SLC4A1AP: variants seen among roughly 807,000 people sequenced by gnomAD.
SLC4A1AP encodes the protein kanadaptin.
SLC4A1AP carries 64 observed loss-of-function variants against 89.7 expected under a neutral mutation model. The ratio of observed to expected loss-of-function variants is 0.71; its 90% confidence interval spans 0.58 to 0.88. The LOEUF is 0.88. Ranked by LOEUF, SLC4A1AP falls within the 40% of genes least tolerant of loss-of-function variation. The pLI is 0.00. For missense variants in SLC4A1AP, 931 were observed against 965.0 expected, an observed-to-expected ratio of 0.96 and a Z score of 0.47; for synonymous variants, 366 against 353.3, an observed-to-expected ratio of 1.04 and a Z score of -0.40.
chr2:27,682,519 G>C (rs975520599), intron 9 of SLC4A1AP, among the ~76,000 whole-genome samples, 160 bp downstream of exon 9: 140 of 136,608 alleles, frequency 1.0e-3, no homozygotes, highest in African/African-American at 3.5e-3. Context: ...CTTGGTTCTT[G>C]GATTCTTTTT....
exon 1 of SLC4A1AP, chr2:27,664,484 C>G (rs1406554554): frequency 2.5e-6 from 4 of 1,614,204 alleles, no homozygotes; most frequent in Middle Eastern, 1.6e-4. Flanking sequence ...GCACTTTTCT[C>G]AACAAAACTC....
At chr2:27,668,153 C>CTT (rs397957441) in intron 3 of SLC4A1AP, among the ~76,000 whole-genome samples, 3 of 144,630 alleles carry the variant, frequency 2.1e-5, no homozygotes, top group African/African-American at 7.5e-5. Context: ...GGAACTTGTT[C>CTT]TTTTTTTTTT....
intron 2 of SLC4A1AP, among the ~76,000 whole-genome samples, chr2:27,665,925 T>G (rs1675311263): frequency 6.6e-6 from 1 of 152,220 alleles, no homozygotes; most frequent in Admixed American, 6.5e-5. Context: ...ATAAGTATGC[T>G]AGAGTGAAAG....
chr2:27,692,044 C>G (rs995994506), intron 12 of SLC4A1AP: 5 of 152,092 alleles, frequency 3.3e-5, no homozygotes, highest in African/African-American at 1.2e-4. Flanking sequence ...AACTCCTGAG[C>G]TCAAGCAATC....
At chr2:27,667,763 TTGATTTTATATTA>T (rs1199161406) in intron 3 of SLC4A1AP, among the ~76,000 whole-genome samples, 2 of 152,032 alleles carry the variant, frequency 1.3e-5, no homozygotes, top group Admixed American at 6.5e-5. Flanking sequence ...AACATAGGTT[TTGATTTTATATTA>T]TATGATTTAA....
At chr2:27,665,638 C>G (rs192207384) in intron 2 of SLC4A1AP, among the ~76,000 whole-genome samples, 1 of 152,134 alleles carries the variant, frequency 6.6e-6, no homozygotes, top group African/African-American at 2.4e-5. Flanking sequence ...GGGGATGGAA[C>G]TCTATTCAAT....
intron 5 of SLC4A1AP, 41 bp downstream of exon 5, chr2:27,669,428 G>A (rs777497300): frequency 3.8e-5 from 55 of 1,448,468 alleles, no homozygotes; most frequent in Non-Finnish European, 2.7e-5. Context: ...TTTAAAAAAA[G>A]GAAAACTCAA....
rs191630768 is a variant in SLC4A1AP, at chr2:27,681,261, G to A, written c.1764-987G>A. On this transcript the variant is annotated intron_variant, in intron 8 of 13. Coordinates refer to ENST00000613058, the Ensembl canonical transcript of SLC4A1AP. ...CCAGGCAGGCAGCATTCTTCTGGTG[G>A]CCTTAGCAAGGGAATGGGTTTTATC... Among the ~76,000 whole-genome samples, 42 of 152,282 alleles carry A rather than the reference G, an allele frequency of 2.8e-4. 1 individual carries two copies. The highest frequency in any genetic ancestry group is 1.0e-3 in the African/African-American group (42 of 41,554).
intron 8 of SLC4A1AP, 81 bp downstream of exon 8, chr2:27,678,005 A>T: frequency 1.1e-6 from 1 of 923,780 alleles, no homozygotes; most frequent in East Asian, 2.7e-5. Context: ...ATCTTCTTAA[A>T]TAATCATTAT....
intron 12 of SLC4A1AP, among the ~76,000 whole-genome samples, chr2:27,690,644 G>A (rs933090612): frequency 1.3e-5 from 2 of 151,988 alleles, no homozygotes; most frequent in East Asian, 1.9e-4. Context: ...GTACCACAAT[G>A]CCCAGCTAAT....
At chr2:27,685,365 C>T (rs1675688994) in intron 10 of SLC4A1AP, 88 bp downstream of exon 10, 3 of 1,506,570 alleles carry the variant, frequency 2.0e-6, no homozygotes, top group Non-Finnish European at 2.7e-6. Flanking sequence ...CAGTTCTTGT[C>T]TGTGCATTTG....
intron 8 of SLC4A1AP, among the ~76,000 whole-genome samples, chr2:27,678,910 G>A (rs111394481): frequency 1.3e-5 from 2 of 151,890 alleles, no homozygotes; most frequent in African/African-American, 4.8e-5. Flanking sequence ...TAGAGATGGG[G>A]TCTTGCCATG....
Position 27,673,302 on chromosome 2 carries a change from T to TTCTC in SLC4A1AP, c.1346-2210_1346-2207dup, listed in dbSNP as rs10659481. Among the ~76,000 whole-genome samples the TTCTC allele has an allele frequency of 9.0e-4, 134 of 148,794 alleles. 1 individual carries two copies. The highest frequency in any genetic ancestry group is 2.1e-3 in the African/African-American group (86 of 40,398). On this transcript the variant is annotated intron_variant, in intron 5 of 13. Coordinates refer to ENST00000613058, the Ensembl canonical transcript of SLC4A1AP. ...AAAATTTGGGTCTTTATGAATTTCT[T>TTCTC]TCTCTCTCTCTCTCTCTCTCTCTTT...
At chr2:27,676,311 A>T (rs1351189685) in intron 6 of SLC4A1AP, among the ~76,000 whole-genome samples, 1 of 152,224 alleles carries the variant, frequency 6.6e-6, no homozygotes, top group Non-Finnish European at 1.5e-5. Flanking sequence ...AAATGCATTG[A>T]TTCAGCAATT....
At chr2:27,668,693 T>C (rs1054140228) in intron 3 of SLC4A1AP, 150 bp from the exon 4 acceptor site, 7 of 752,242 alleles carry the variant, frequency 9.3e-6, no homozygotes, top group Admixed American at 1.9e-5. Context: ...CAAGCTGTCA[T>C]CCCGCCTCAG....
chr2:27,666,111 A>T (rs917613535), intron 2 of SLC4A1AP, among the ~76,000 whole-genome samples: 8 of 152,178 alleles, frequency 5.3e-5, no homozygotes, highest in African/African-American at 9.7e-5. Context: ...AGAATGTAAA[A>T]TATCTCTTTC....
At chr2:27,686,159 C>T (rs905015790) in intron 10 of SLC4A1AP, among the ~76,000 whole-genome samples, 15 of 152,300 alleles carry the variant, frequency 9.8e-5, no homozygotes, top group Non-Finnish European at 2.1e-4. Flanking sequence ...CCACAACAAA[C>T]CAGGCTTGGC....
At chr2:27,667,949 A>G (rs1358423853) in intron 3 of SLC4A1AP, among the ~76,000 whole-genome samples, 1 of 152,128 alleles carries the variant, frequency 6.6e-6, no homozygotes, top group Admixed American at 6.5e-5. Context: ...CTGTGTTAAA[A>G]TAACCACTAA....
intron 5 of SLC4A1AP, among the ~76,000 whole-genome samples, chr2:27,672,604 A>T (rs1044954731): frequency 2.0e-5 from 3 of 151,920 alleles, no homozygotes; most frequent in African/African-American, 2.4e-5. Flanking sequence ...TCTGTTCTGC[A>T]TGTTAAAGGC....
Sources: gnomAD v4.1 joint callset for allele counts (sites outside exome capture counted in the v4.1 genomes callset) on GRCh38, gnomAD v4.1.1 for gene constraint, MANE v1.5 for transcripts, NCBI Gene and HGNC (gene_info 2026-07-23, HGNC 2026-07-21) for gene names.